Variants in GNA14 observed in about 807,000 individuals in gnomAD.
GNA14 encodes the protein guanine nucleotide-binding protein subunit alpha-14.
A neutral mutation model predicts 42.0 loss-of-function variants in GNA14; 50 were observed. The observed-to-expected ratio is 1.19, with a 90% CI of 0.95 to 1.51. The LOEUF (loss-of-function observed/expected upper bound fraction) is 1.51, where lower values mean the gene tolerates loss of function less well. Among genes scored for constraint, GNA14 ranks in the 40% most tolerant of loss-of-function variants. The probability of loss-of-function intolerance (pLI) is 0.00; values close to 1 mark genes in which losing one functional copy is unlikely to be tolerated. For missense variants in GNA14, 473 were observed against 446.2 expected (o/e 1.06, Z -0.54); for synonymous variants, 173 against 163.1 (o/e 1.06, Z -0.46).
At chr9:77,446,828 G>T (rs1356002631) in intron 2 of GNA14, among the ~76,000 whole-genome samples, 1 of 152,174 alleles carries the variant, frequency 6.6e-6, no homozygotes, top group African/African-American at 2.4e-5. Flanking sequence ...ACTTTATACA[G>T]CCAAAGAGAG....
At chr9:77,511,409 C>A (rs1837166994) in intron 2 of GNA14, among the ~76,000 whole-genome samples, 1 of 152,186 alleles carries the variant, frequency 6.6e-6, no homozygotes, top group African/African-American at 2.4e-5. Context: ...CAGCTTCCTG[C>A]AATTAAAGGC....
intron 1 of GNA14, among the ~76,000 whole-genome samples, chr9:77,604,035 A>T (rs1823613304): frequency 1.3e-5 from 2 of 151,840 alleles, no homozygotes; most frequent in Admixed American, 1.3e-4. Context: ...TTAATCTGGA[A>T]CATTACTTTT....
intron 1 of GNA14, among the ~76,000 whole-genome samples, chr9:77,614,205 G>C (rs1205733342): frequency 6.6e-6 from 1 of 152,056 alleles, no homozygotes; most frequent in Non-Finnish European, 1.5e-5. Context: ...CTAACCAAAG[G>C]CCTCAAAGAT....
intron 1 of GNA14, among the ~76,000 whole-genome samples, chr9:77,545,964 C>A (rs1260706909): frequency 2.6e-5 from 4 of 152,078 alleles, no homozygotes; most frequent in African/African-American, 9.7e-5. Context: ...AATTATCTAA[C>A]ACACACTTCA....
intron 3 of GNA14, 65 bp downstream of exon 3, chr9:77,434,300 ACTT>A: frequency 6.9e-7 from 1 of 1,444,078 alleles, no homozygotes; most frequent in African/African-American, 1.4e-5. Flanking sequence ...TCAGCGAGAA[ACTT>A]CTTTGAAGTG....
intron 2 of GNA14, among the ~76,000 whole-genome samples, chr9:77,453,866 A>G (rs114660830): frequency 0.038 from 5,829 of 152,318 alleles, 176 homozygotes; most frequent in African/African-American, 0.073. Context: ...ACTACTTGCC[A>G]AATACATATA....
intron 2 of GNA14, among the ~76,000 whole-genome samples, chr9:77,506,997 T>C (rs984889104): frequency 6.6e-6 from 1 of 152,180 alleles, no homozygotes; most frequent in African/African-American, 2.4e-5. Flanking sequence ...GAAATCTTAT[T>C]TGGAAGTGTA....
At chr9:77,540,238 T>C (rs546053750) in intron 1 of GNA14, among the ~76,000 whole-genome samples, 1 of 152,308 alleles carries the variant, frequency 6.6e-6, no homozygotes, top group South Asian at 2.1e-4. Flanking sequence ...CAAATAATGA[T>C]TCAGTAGTAT....
intron 2 of GNA14, among the ~76,000 whole-genome samples, chr9:77,511,804 C>T (rs1223333478): frequency 2.0e-5 from 3 of 152,188 alleles, no homozygotes; most frequent in Non-Finnish European, 4.4e-5. Context: ...ATGTAATTTA[C>T]ATGGAGGCCT....
In GNA14 at chr9:77,483,653, G is replaced by C. The variant is rs142817172; in HGVS notation, c.309+45416C>G. 5.8e-3 allele frequency among the ~76,000 whole-genome samples: 886 copies of C among 152,250 alleles called. 8 individuals are homozygous for C. The highest frequency in any genetic ancestry group is 0.02 in the African/African-American group (842 of 41,536). ...GTTACTGCTGTCTTTTTGTTTGTCT[G>C]TGCCCTGCCCCCAGAGGTGGAGCCT... On this transcript the variant is annotated intron_variant, in intron 2 of 6. Coordinates refer to ENST00000341700, the MANE Select transcript of GNA14 (RefSeq NM_004297.4).
chr9:77,629,585 T>G (rs1294858250), intron 1 of GNA14, among the ~76,000 whole-genome samples: 1 of 152,172 alleles, frequency 6.6e-6, no homozygotes, highest in Non-Finnish European at 1.5e-5. Context: ...TGCAGGGACA[T>G]GGATGAAGCT....
intron 1 of GNA14, among the ~76,000 whole-genome samples, chr9:77,606,221 G>GA (rs1823643900): frequency 6.6e-6 from 1 of 152,132 alleles, no homozygotes; most frequent in Non-Finnish European, 1.5e-5. Flanking sequence ...AAAAGGGAAA[G>GA]AAAAAAGCCA....
intron 2 of GNA14, among the ~76,000 whole-genome samples, chr9:77,440,751 C>G (rs1007478838): frequency 6.6e-6 from 1 of 152,098 alleles, no homozygotes; most frequent in African/African-American, 2.4e-5. Flanking sequence ...CAGTCTTGCT[C>G]TGTCCCCAGG....
intron 1 of GNA14, among the ~76,000 whole-genome samples, chr9:77,641,104 GGAAGGAAGGAAGGA>G (rs1824258076): frequency 3.4e-3 from 7 of 2,078 alleles, no homozygotes; most frequent in Non-Finnish European, 5.3e-3. Context: ...GGGGGGGGAA[GGAAGGAAGGAAGGA>G]AGGAAGGAAG....
intron 1 of GNA14, among the ~76,000 whole-genome samples, chr9:77,642,811 T>C (rs1246674380): frequency 2.0e-5 from 3 of 151,990 alleles, no homozygotes; most frequent in African/African-American, 4.8e-5. Flanking sequence ...CAAAACTCAA[T>C]GAAATCTGGT....
chr9:77,512,390 A>C (rs1173192714), intron 2 of GNA14, among the ~76,000 whole-genome samples: 1 of 152,166 alleles, frequency 6.6e-6, no homozygotes, highest in Admixed American at 6.5e-5. Flanking sequence ...TTTTATGTTT[A>C]ATGTTTTAAT....
intron 1 of GNA14, among the ~76,000 whole-genome samples, chr9:77,551,420 GC>G: frequency 6.6e-6 from 1 of 152,138 alleles, no homozygotes. Flanking sequence ...CTGCCCCTTG[GC>G]CACCATGAAG....
At position 77,534,176 on chromosome 9, in the gene GNA14, T is replaced by C. The variant is rs1837565625; in HGVS notation, c.125-4923A>G. On this transcript the variant is annotated intron_variant, in intron 1 of 6. Coordinates refer to ENST00000341700, the MANE Select transcript of GNA14 (RefSeq NM_004297.4). ...ATAAAAACATCCTGTCTATCACCAG[T>C]GATCTGGGAACCACATTTTGGAAAA... Among the ~76,000 whole-genome samples, 3 of 152,388 alleles carry C rather than the reference T, an allele frequency of 2.0e-5. No individual in the cohort carries two copies. In the South Asian group the frequency reaches 6.2e-4, roughly 32 times the overall value.
At chr9:77,638,056 G>A (rs560314623) in intron 1 of GNA14, among the ~76,000 whole-genome samples, 1 of 152,250 alleles carries the variant, frequency 6.6e-6, no homozygotes, top group East Asian at 1.9e-4. Context: ...TGTTCTATCT[G>A]TAACATGGGT....
Sources: gnomAD v4.1 joint callset for allele counts (sites outside exome capture counted in the v4.1 genomes callset) on GRCh38, gnomAD v4.1.1 for gene constraint, MANE v1.5 for transcripts, NCBI Gene and HGNC (gene_info 2026-07-23, HGNC 2026-07-21) for gene names.